NAV2: variants seen among roughly 807,000 people sequenced by gnomAD.
The protein encoded by NAV2 is helicase, APC down-regulated 1.
A neutral mutation model predicts 223.2 loss-of-function variants in NAV2; 54 were observed. That is an observed-to-expected ratio of 0.24 (90% CI 0.19 to 0.30). NAV2 has a LOEUF of 0.30. NAV2 is among the 10% of genes least tolerant of loss of function. The probability of loss-of-function intolerance (pLI) is 1.00; values close to 1 mark genes in which losing one functional copy is unlikely to be tolerated. For synonymous variants in NAV2, 1,279 were observed against 1,239.3 expected (o/e 1.03, Z -0.67); for missense variants, 2,806 against 3,147.5 (o/e 0.89, Z 2.60).
At chr11:19,602,263 C>T (rs142400125) in intron 1 of NAV2, among the ~76,000 whole-genome samples, 8 of 151,404 alleles carry the variant, frequency 5.3e-5, no homozygotes, top group East Asian at 3.9e-4. Flanking sequence ...CCACAACCTC[C>T]GCCTCCCGAG....
chr11:19,771,543 G>T (rs528308108), intron 1 of NAV2, among the ~76,000 whole-genome samples: 1 of 151,952 alleles, frequency 6.6e-6, no homozygotes, highest in Non-Finnish European at 1.5e-5. Context: ...ATTGGGAGGG[G>T]TGATAGGAGA....
At chr11:19,873,891 T>C (rs1205773488) in intron 4 of NAV2, among the ~76,000 whole-genome samples, 1 of 152,158 alleles carries the variant, frequency 6.6e-6, no homozygotes, top group Non-Finnish European at 1.5e-5. Context: ...AAGTGGTGAA[T>C]GCTGATTATG....
chr11:20,092,126 A>G, intron 27 of NAV2, 80 bp from the exon 28 acceptor site: 6 of 1,409,088 alleles, frequency 4.3e-6, no homozygotes, highest in Non-Finnish European at 4.9e-6. Context: ...TCTGCAGGGA[A>G]CTTTCAGATC....
intron 1 of NAV2, among the ~76,000 whole-genome samples, chr11:19,405,227 T>C (rs559439448): frequency 6.6e-6 from 1 of 152,304 alleles, no homozygotes; most frequent in African/African-American, 2.4e-5. Flanking sequence ...GTGGGCTCTC[T>C]TCATGGATGG....
chr11:19,954,759 C>G (rs1344519435), intron 10 of NAV2, among the ~76,000 whole-genome samples: 1 of 152,070 alleles, frequency 6.6e-6, no homozygotes, highest in African/African-American at 2.4e-5. Flanking sequence ...AGTGACCTTT[C>G]TGTATGCTTC....
At chr11:19,396,390 T>C (rs1052746152) in intron 1 of NAV2, among the ~76,000 whole-genome samples, 1 of 152,164 alleles carries the variant, frequency 6.6e-6, no homozygotes, top group African/African-American at 2.4e-5. Flanking sequence ...CTGCCTTAGG[T>C]TGGCGTTTAA....
At chr11:19,818,691 T>A (rs1004932517) in intron 1 of NAV2, among the ~76,000 whole-genome samples, 2 of 152,234 alleles carry the variant, frequency 1.3e-5, no homozygotes, top group African/African-American at 4.8e-5. Context: ...TATGTGTGTT[T>A]GTATCTTTGA....
rs951620187 is a variant in NAV2 at position 19,754,194 on chromosome 11, C to G, written c.267+40232C>G. On this transcript the variant is annotated intron_variant, in intron 1 of 37. Coordinates refer to ENST00000349880, the MANE Select transcript of NAV2 (RefSeq NM_145117.5). ...AATGCCCTTCCTCCCAACTTTTCCCCTTTCCCTACCTCTTTCTGGGCCTTT... is the reference window on the plus strand; with the variant it reads ...AATGCCCTTCCTCCCAACTTTTCCCGTTTCCCTACCTCTTTCTGGGCCTTT... Among the ~76,000 whole-genome samples the G allele has an allele frequency of 2.8e-4, 43 of 152,328 alleles. 1 individual carries two copies. The highest frequency in any genetic ancestry group is 9.9e-4 in the African/African-American group (41 of 41,574).
At chr11:20,118,046 TGGA>T in intron 37 of NAV2, 84 bp from the exon 38 acceptor site, 3 of 1,503,446 alleles carry the variant, frequency 2.0e-6, no homozygotes, top group Non-Finnish European at 2.7e-6. Flanking sequence ...CAGGTGAGTC[TGGA>T]GGAGGTGGCA....
chr11:19,419,643 T>C (rs938226647), intron 1 of NAV2, among the ~76,000 whole-genome samples: 1 of 152,236 alleles, frequency 6.6e-6, no homozygotes, highest in Non-Finnish European at 1.5e-5. Flanking sequence ...ATCTTCCATT[T>C]GTTTACACAC....
rs11025185 is a variant in NAV2, at chr11:19,572,259, G to A, written c.75+221232G>A. Reference sequence around the variant, plus strand: ...TAGGTCAGGGTCCAGGGTCCGTGTCGCTGAACTCTAAGATCAGGGACTGGA... The same window carrying A: ...TAGGTCAGGGTCCAGGGTCCGTGTCACTGAACTCTAAGATCAGGGACTGGA... On this transcript the variant is annotated intron_variant, in intron 1 of 37. Coordinates refer to the NAV2 transcript ENST00000360655. Among the ~76,000 whole-genome samples, 488 of 152,274 alleles carry A rather than the reference G, an allele frequency of 3.2e-3. 8 individuals carry two copies. The East Asian group carries it at 0.063, about 20-fold the overall frequency.
intron 1 of NAV2, among the ~76,000 whole-genome samples, chr11:19,538,088 G>C (rs1403764310): frequency 6.6e-6 from 1 of 152,216 alleles, no homozygotes; most frequent in Non-Finnish European, 1.5e-5. Context: ...TGTCTGATAA[G>C]AAAATGCCAG....
intron 1 of NAV2, among the ~76,000 whole-genome samples, chr11:19,352,590 C>T (rs2729845): frequency 0.25 from 38,678 of 152,126 alleles, 5,551 homozygotes; most frequent in East Asian, 0.5. Context: ...GCTCAGCTGA[C>T]ATTCATTTTA....
At chr11:19,368,409 G>C (rs75195340) in intron 1 of NAV2, among the ~76,000 whole-genome samples, 1,997 of 152,242 alleles carry the variant, frequency 0.013, 46 homozygotes, top group African/African-American at 0.046. Context: ...GAATGTTAAA[G>C]GGGCCAAGCT....
rs570511141 is a variant in NAV2, at chr11:19,946,243, C to T, written c.2147-158C>T. Among the ~76,000 whole-genome samples, 3 of 152,344 alleles carry T rather than the reference C, an allele frequency of 2.0e-5. No individual in the cohort carries two copies. The South Asian group carries it at 6.2e-4, about 32-fold the overall frequency. ...TCCTTTGGGCTTCCATTCACACTTC[C>T]ATTCAATCATTCATTCATTGTCAAA... On this transcript the variant is annotated intron_variant, in intron 8 of 37. Coordinates refer to ENST00000349880, the MANE Select transcript of NAV2 (RefSeq NM_145117.5).
chr11:19,508,203 G>A (rs1406553139), intron 1 of NAV2, among the ~76,000 whole-genome samples: 1 of 152,108 alleles, frequency 6.6e-6, no homozygotes, highest in African/African-American at 2.4e-5. Context: ...TCTTCCTGAG[G>A]CTGTCCTACT....
At chr11:19,719,542 A>C (rs569434800) in intron 1 of NAV2, among the ~76,000 whole-genome samples, 1 of 152,328 alleles carries the variant, frequency 6.6e-6, no homozygotes, top group Admixed American at 6.5e-5. Flanking sequence ...TCCTGAACAC[A>C]GTGTATGGCA....
At chr11:19,531,259 C>T (rs1471392787) in intron 1 of NAV2, among the ~76,000 whole-genome samples, 1 of 152,098 alleles carries the variant, frequency 6.6e-6, no homozygotes, top group African/African-American at 2.4e-5. Flanking sequence ...TGTAATAGCA[C>T]CTAATTATAA....
At chr11:19,655,863 G>T (rs958461235) in intron 1 of NAV2, among the ~76,000 whole-genome samples, 7 of 152,034 alleles carry the variant, frequency 4.6e-5, no homozygotes, top group African/African-American at 1.4e-4. Context: ...TGCACGTTGT[G>T]CACATGTACC....
Sources: allele counts gnomAD v4.1 joint callset (sites outside exome capture counted in the v4.1 genomes callset), GRCh38; gene constraint gnomAD v4.1.1; transcripts MANE v1.5; gene names NCBI Gene and HGNC (gene_info 2026-07-23, HGNC 2026-07-21).